Variants in KHDRBS3 observed in about 807,000 individuals in gnomAD.
KHDRBS3 encodes KH RNA binding domain containing, signal transduction associated 3, also known as KH domain-containing, RNA-binding, signal transduction-associated protein 3.
A neutral mutation model predicts 45.6 loss-of-function variants in KHDRBS3; 23 were observed. The observed-to-expected ratio is 0.50, with a 90% CI of 0.36 to 0.72. The LOEUF (loss-of-function observed/expected upper bound fraction) is 0.72, where lower values mean the gene tolerates loss of function less well. KHDRBS3 is among the 30% of genes least tolerant of loss of function. KHDRBS3 has a pLI of 0.00. For missense variants in KHDRBS3, 352 were observed against 424.8 expected (o/e 0.83, Z 1.51); for synonymous variants, 162 against 156.5 (o/e 1.04, Z -0.26).
chr8:135,641,954 T>G (rs551457198), intron 7 of KHDRBS3, among the ~76,000 whole-genome samples: 1 of 152,200 alleles, frequency 6.6e-6, no homozygotes. Context: ...TGCTCTCTTT[T>G]CAGTTAGTCC....
intron 2 of KHDRBS3, chr8:135,538,848 T>C (rs1825906856): frequency 6.6e-6 from 1 of 152,152 alleles, no homozygotes; most frequent in East Asian, 1.9e-4. Context: ...AAATACATAC[T>C]CAGTCCATCT....
intron 6 of KHDRBS3, among the ~76,000 whole-genome samples, chr8:135,606,074 T>C (rs1172804274): frequency 6.6e-6 from 1 of 152,192 alleles, no homozygotes; most frequent in Non-Finnish European, 1.5e-5. Context: ...TGTGTTAGTT[T>C]ACTAGTCAGC....
intron 7 of KHDRBS3, among the ~76,000 whole-genome samples, chr8:135,620,533 G>A (rs991041880): frequency 6.6e-6 from 1 of 152,168 alleles, no homozygotes; most frequent in African/African-American, 2.4e-5. Flanking sequence ...CTATTAAAAT[G>A]TAAAGGCTAA....
chr8:135,495,952 GT>G (rs1563721787), intron 1 of KHDRBS3, among the ~76,000 whole-genome samples: 2 of 151,922 alleles, frequency 1.3e-5, no homozygotes, highest in African/African-American at 4.8e-5. Flanking sequence ...AGAAAGTGTA[GT>G]TTAAGCAAGT....
At chr8:135,648,937 A>C (rs890081329), downstream of KHDRBS3, among the ~76,000 whole-genome samples, 1 of 152,214 alleles carries the variant, frequency 6.6e-6, no homozygotes, top group Admixed American at 6.5e-5. Context: ...TGCCAAATTT[A>C]ATATATAATA....
chr8:135,513,838 G>A (rs1026586023), intron 1 of KHDRBS3, among the ~76,000 whole-genome samples: 25 of 152,134 alleles, frequency 1.6e-4, no homozygotes, highest in African/African-American at 5.1e-4. Flanking sequence ...TGACTAAAGA[G>A]CTATAGTCAT....
chr8:135,622,133 G>A (rs1830171338), intron 7 of KHDRBS3, among the ~76,000 whole-genome samples: 1 of 152,094 alleles, frequency 6.6e-6, no homozygotes, highest in Non-Finnish European at 1.5e-5. Flanking sequence ...TTATATTGAA[G>A]TGATTATTTG....
At chr8:135,512,434 G>GGGA (rs1824342231) in intron 1 of KHDRBS3, among the ~76,000 whole-genome samples, 1 of 135,110 alleles carries the variant, frequency 7.4e-6, no homozygotes, top group South Asian at 2.7e-4. Context: ...AAAGTCGGGG[G>GGGA]GGGGGTAATA....
chr8:135,467,408 G>A (rs539684844), intron 1 of KHDRBS3, among the ~76,000 whole-genome samples: 24 of 152,208 alleles, frequency 1.6e-4, no homozygotes, highest in Admixed American at 1.2e-3. Context: ...CAGTTCACAT[G>A]CTGATGGCAC....
intron 1 of KHDRBS3, among the ~76,000 whole-genome samples, chr8:135,512,645 A>ACATT (rs1193810134): frequency 7.2e-5 from 11 of 152,190 alleles, no homozygotes; most frequent in East Asian, 1.9e-4. Flanking sequence ...ATTATTTTAA[A>ACATT]CATTCATTCA....
intron 7 of KHDRBS3, among the ~76,000 whole-genome samples, chr8:135,641,742 T>C (rs1831067553): frequency 6.6e-6 from 1 of 152,228 alleles, no homozygotes; most frequent in Non-Finnish European, 1.5e-5. Flanking sequence ...GGCCCAGGCC[T>C]TGACTGACAG....
At chr8:135,520,160 TATTAA>T (rs1300055479) in intron 1 of KHDRBS3, among the ~76,000 whole-genome samples, 1 of 152,210 alleles carries the variant, frequency 6.6e-6, no homozygotes, top group African/African-American at 2.4e-5. Flanking sequence ...GGATGGCACA[TATTAA>T]ATTCTTAAAT....
chr8:135,495,952 G>A (rs1563721784), intron 1 of KHDRBS3, among the ~76,000 whole-genome samples: 1 of 151,922 alleles, frequency 6.6e-6, no homozygotes, highest in East Asian at 1.9e-4. Context: ...AGAAAGTGTA[G>A]TTTAAGCAAG....
At chr8:135,464,520 T>C (rs1169769447) in intron 1 of KHDRBS3, among the ~76,000 whole-genome samples, 2 of 152,202 alleles carry the variant, frequency 1.3e-5, no homozygotes, top group African/African-American at 4.8e-5. Flanking sequence ...GGATTTATAG[T>C]CAGTTTATGG....
chr8:135,548,500 C>T (rs11986598), intron 3 of KHDRBS3, among the ~76,000 whole-genome samples: 13,172 of 152,048 alleles, frequency 0.087, 682 homozygotes, highest in East Asian at 0.18. Context: ...GATGGGGCTC[C>T]TACAAGTCAG....
At chr8:135,611,836 T>G (rs1008218476) in intron 7 of KHDRBS3, among the ~76,000 whole-genome samples, 1 of 151,758 alleles carries the variant, frequency 6.6e-6, no homozygotes, top group Non-Finnish European at 1.5e-5. Flanking sequence ...GCACATACTC[T>G]AACACCGGTT....
At chr8:135,645,138 T>C (rs750183092) in intron 8 of KHDRBS3, 21 bp downstream of exon 8, 1 of 1,612,804 alleles carries the variant, frequency 6.2e-7, no homozygotes. Flanking sequence ...GGCCAGAGCA[T>C]GTGAAGAGAG....
chr8:135,564,957 G>C (rs949893544), intron 5 of KHDRBS3, among the ~76,000 whole-genome samples: 30 of 152,150 alleles, frequency 2.0e-4, no homozygotes, highest in African/African-American at 6.8e-4. Flanking sequence ...AGGTTTCATA[G>C]CGTTCTAAAT....
rs183868095 is a variant in KHDRBS3, at chr8:135,572,213, C to A, written c.612-9665C>A. Among the ~76,000 whole-genome samples the A allele has an allele frequency of 3.3e-5, 5 of 152,200 alleles. No individual in the cohort carries two copies. In the East Asian group the frequency reaches 7.8e-4, roughly 24 times the overall value. On this transcript the variant is annotated intron_variant, in intron 5 of 8. Coordinates refer to ENST00000355849, the MANE Select transcript of KHDRBS3 (RefSeq NM_006558.3). ...AAAAAAGTAAAAGCATGCTAAAAAT[C>A]AGAATTGGAAGACAGTGGGTGATAC...
Sources: allele counts gnomAD v4.1 joint callset (sites outside exome capture counted in the v4.1 genomes callset), GRCh38; gene constraint gnomAD v4.1.1; transcripts MANE v1.5; gene names NCBI Gene and HGNC (gene_info 2026-07-23, HGNC 2026-07-21).